Variants in ZEB1 observed in about 807,000 individuals in gnomAD.
ZEB1 encodes the protein zinc finger E-box binding homeobox 1.
In ZEB1, 21 loss-of-function variants were observed where a neutral mutation model predicts 84.9. That is an observed-to-expected ratio of 0.25 (90% CI 0.18 to 0.36). ZEB1 has a LOEUF of 0.36. Among genes scored for constraint, ZEB1 ranks in the 10% least tolerant of loss-of-function variants. The probability of loss-of-function intolerance (pLI) is 1.00; values close to 1 mark genes in which losing one functional copy is unlikely to be tolerated. For synonymous variants in ZEB1, 420 were observed against 471.1 expected (o/e 0.89, Z 1.41); for missense variants, 1,104 against 1,330.2 (o/e 0.83, Z 2.65).
intron 1 of ZEB1, among the ~76,000 whole-genome samples, chr10:31,345,129 A>C (rs1306370358): frequency 6.6e-6 from 1 of 152,114 alleles, no homozygotes; most frequent in East Asian, 1.9e-4. Context: ...AGCCCAAATT[A>C]GCATGTTGAA....
chr10:31,351,830 C>T (rs1378682018), intron 1 of ZEB1, among the ~76,000 whole-genome samples: 2 of 152,046 alleles, frequency 1.3e-5, no homozygotes, highest in Non-Finnish European at 2.9e-5. Context: ...AATAAGGCAA[C>T]GGACTGTAAT....
chr10:31,501,592 A>G (rs1161385912), intron 3 of ZEB1, among the ~76,000 whole-genome samples: 1 of 152,022 alleles, frequency 6.6e-6, no homozygotes, highest in African/African-American at 2.4e-5. Context: ...AGTGGTTTAT[A>G]TGAGAATTAT....
chr10:31,405,860 A>G (rs2052907809), intron 1 of ZEB1, among the ~76,000 whole-genome samples: 1 of 151,864 alleles, frequency 6.6e-6, no homozygotes, highest in Non-Finnish European at 1.5e-5. Context: ...CCACACCTCA[A>G]CAGGCCCCAG....
At chr10:31,414,804 C>T (rs1420115822) in intron 1 of ZEB1, among the ~76,000 whole-genome samples, 1 of 152,180 alleles carries the variant, frequency 6.6e-6, no homozygotes, top group Non-Finnish European at 1.5e-5. Flanking sequence ...CAAATTCCCT[C>T]AGCAAAGTCA....
At chr10:31,377,458 C>T (rs988077348) in intron 1 of ZEB1, among the ~76,000 whole-genome samples, 51 of 151,802 alleles carry the variant, frequency 3.4e-4, no homozygotes, top group African/African-American at 1.2e-3. Context: ...TTATATATAT[C>T]GTGTGTATAC....
rs1195961672 is a variant in ZEB1 at position 31,528,690 on chromosome 10, T to G, written c.*1426T>G. ...TATTACACAGTGTAGTGTATAATACTGTAGTTTGTATTAATACAATAATAT... is the reference window on the plus strand; with the variant it reads ...TATTACACAGTGTAGTGTATAATACGGTAGTTTGTATTAATACAATAATAT... On this transcript the variant is annotated 3_prime_UTR_variant, in exon 9 of 9. Coordinates refer to ENST00000424869, the MANE Select transcript of ZEB1 (RefSeq NM_001174096.2). 1.3e-5 allele frequency: 2 copies of G among 152,198 alleles called. No individual in the cohort carries two copies. The highest frequency in any genetic ancestry group is 2.9e-5 in the Non-Finnish European group (2 of 68,020). The allele number at this position is 152,198 out of a possible 1,614,324, so 9.4% of individuals were successfully genotyped here.
At chr10:31,434,654 A>C (rs373387750) in intron 1 of ZEB1, among the ~76,000 whole-genome samples, 5 of 152,162 alleles carry the variant, frequency 3.3e-5, no homozygotes, top group African/African-American at 1.2e-4. Flanking sequence ...TTAATCCTTT[A>C]CTGACACATG....
chr10:31,392,888 G>T (rs1250245443), intron 1 of ZEB1, among the ~76,000 whole-genome samples: 1 of 151,954 alleles, frequency 6.6e-6, no homozygotes, highest in East Asian at 1.9e-4. Flanking sequence ...AGCCTAGAGT[G>T]CAGTGGCACA....
At chr10:31,491,457 C>T (rs1383707845) in intron 2 of ZEB1, among the ~76,000 whole-genome samples, 2 of 151,850 alleles carry the variant, frequency 1.3e-5, no homozygotes, top group Non-Finnish European at 2.9e-5. Flanking sequence ...TTTTCCTGCT[C>T]CTTGAGCCTA....
rs566596663 is a variant in ZEB1, at chr10:31,486,956, G to T, written c.260-8820G>T. Among the ~76,000 whole-genome samples the T allele has an allele frequency of 5.3e-5, 8 of 151,458 alleles. No individual in the cohort carries two copies. In the East Asian group the frequency reaches 1.6e-3, roughly 29 times the overall value. ...TTTTTTTATAAGATGTTAGATTGAG[G>T]TGAAGTTTCATTTCTTCAATATGGA... On this transcript the variant is annotated intron_variant, in intron 2 of 8. Coordinates refer to ENST00000424869, the MANE Select transcript of ZEB1 (RefSeq NM_001174096.2).
intron 2 of ZEB1, among the ~76,000 whole-genome samples, chr10:31,487,265 TAATC>T (rs1405533998): frequency 6.6e-6 from 1 of 151,460 alleles, no homozygotes; most frequent in Non-Finnish European, 1.5e-5. Flanking sequence ...AAATTTTAGA[TAATC>T]TATTTATATT....
intron 1 of ZEB1, among the ~76,000 whole-genome samples, chr10:31,391,254 TGTGTGTGTGTGTGTGTGTGTGTGA>T (rs1462451273): frequency 2.7e-5 from 4 of 147,072 alleles, no homozygotes; most frequent in African/African-American, 1.1e-4. Flanking sequence ...TGTGTGTGTG[TGTGTGTGTGTGTGTGTGTGTGTGA>T]GATCCAATAA....
intron 1 of ZEB1, chr10:31,321,302 A>T (rs930103394): frequency 7.1e-7 from 1 of 1,403,286 alleles, no homozygotes; most frequent in Non-Finnish European, 9.3e-7. Flanking sequence ...TCGAGCCATC[A>T]TTAAAATCAC....
intron 1 of ZEB1, among the ~76,000 whole-genome samples, chr10:31,435,185 G>A (rs1439783376): frequency 1.3e-5 from 2 of 152,190 alleles, no homozygotes; most frequent in African/African-American, 4.8e-5. Context: ...GGCCATTTCT[G>A]GCTTTGAAGA....
At chr10:31,513,031 C>G (rs2070385625) in intron 5 of ZEB1, among the ~76,000 whole-genome samples, 1 of 152,126 alleles carries the variant, frequency 6.6e-6, no homozygotes, top group Non-Finnish European at 1.5e-5. Context: ...GGATTGTATT[C>G]TAAAGTGCAG....
intron 1 of ZEB1, among the ~76,000 whole-genome samples, chr10:31,421,159 A>G (rs1018523818): frequency 3.3e-5 from 5 of 152,102 alleles, no homozygotes; most frequent in Admixed American, 2.0e-4. Context: ...AGGTAGGGAA[A>G]ACTGTGCATG....
At chr10:31,475,737 TAGAG>T (rs1443485907) in intron 2 of ZEB1, among the ~76,000 whole-genome samples, 2 of 152,126 alleles carry the variant, frequency 1.3e-5, no homozygotes, top group East Asian at 1.9e-4. Context: ...TAAGCACACA[TAGAG>T]AGAATTCATC....
intron 1 of ZEB1, among the ~76,000 whole-genome samples, chr10:31,344,538 A>T (rs565862910): frequency 1.4e-4 from 22 of 152,244 alleles, no homozygotes; most frequent in African/African-American, 5.3e-4. Flanking sequence ...GGCTCACTTC[A>T]ATTTCCCCAG....
chr10:31,343,015 A>G (rs2039673231), intron 1 of ZEB1, among the ~76,000 whole-genome samples: 1 of 152,150 alleles, frequency 6.6e-6, no homozygotes, highest in South Asian at 2.1e-4. Context: ...GCTGTTGGGT[A>G]CACATTCCAA....
Sources: gnomAD v4.1 joint callset for allele counts (sites outside exome capture counted in the v4.1 genomes callset) on GRCh38, gnomAD v4.1.1 for gene constraint, MANE v1.5 for transcripts, NCBI Gene and HGNC (gene_info 2026-07-23, HGNC 2026-07-21) for gene names.